The following NAPRT variants were observed in gnomAD, a reference collection of about 807,000 sequenced individuals.
The protein encoded by NAPRT is FHA-HIT-interacting protein.
Under a neutral mutation model 60.7 loss-of-function variants are expected in NAPRT, and 66 were observed. The observed-to-expected ratio is 1.09, with a 90% confidence interval of 0.89 to 1.33. NAPRT has a LOEUF of 1.33. NAPRT is among the 40% of genes most tolerant of loss of function. The pLI, the probability that NAPRT is intolerant of heterozygous loss-of-function variation, is 0.00. For synonymous variants in NAPRT, 405 were observed against 335.7 expected (o/e 1.21, Z -2.26); for missense variants, 818 against 731.5 (o/e 1.12, Z -1.36).
intron 8 of NAPRT, 33 bp downstream of exon 8, chr8:143,576,045 G>T: frequency 6.5e-7 from 1 of 1,527,708 alleles, no homozygotes; most frequent in Non-Finnish European, 8.8e-7. Flanking sequence ...GAGCCCCCCA[G>T]CCACCCTCCG....
chr8:143,577,616 C>T, intron 3 of NAPRT, 41 bp downstream of exon 3: 2 of 1,531,416 alleles, frequency 1.3e-6, no homozygotes, highest in Non-Finnish European at 1.7e-6. Context: ...GCTGGGGGCC[C>T]ATCCCATGCC....
At chr8:143,572,876 C>G (rs1312626729), downstream of NAPRT, 2 of 820,110 alleles carry the variant, frequency 2.4e-6, no homozygotes, top group Non-Finnish European at 3.5e-6. Flanking sequence ...TACAATGGGC[C>G]TTTGAGGGGC....
downstream of NAPRT, chr8:143,574,692 C>G (rs918918996): frequency 3.3e-6 from 3 of 916,922 alleles, no homozygotes; most frequent in South Asian, 3.0e-5. Flanking sequence ...CCTGCTACCT[C>G]GAGCTCAGAT....
intron 2 of NAPRT, 26 bp from the exon 3 acceptor site, chr8:143,577,765 G>C (rs1384015768): frequency 3.8e-6 from 6 of 1,564,210 alleles, no homozygotes; most frequent in Non-Finnish European, 5.2e-6. Flanking sequence ...TCAGCTCCGC[G>C]CTCGGCCCAG....
chr8:143,574,271 T>C (rs1824261952), downstream of NAPRT, among the ~76,000 whole-genome samples: 1 of 152,214 alleles, frequency 6.6e-6, no homozygotes, highest in African/African-American at 2.4e-5. Flanking sequence ...GCTGTGTCCC[T>C]GACGCCAGAT....
At position 143,575,291 on chromosome 8, in the gene NAPRT, C is replaced by G; in HGVS notation, c.1346G>C (p.Gly449Ala). 1 of 1,612,792 alleles carries G rather than the reference C, an allele frequency of 6.2e-7. No individual in the cohort carries two copies. Among genetic ancestry groups the G allele is most frequent in the Non-Finnish European group, 8.5e-7 (1 of 1,179,954 alleles). Reference protein sequence around the residue: ...QLAEEPVPQAGQELRVWPPGA... With the variant: ...QLAEEPVPQAAQELRVWPPGA... ...TGGAGGCCACACCCTCAGCTCCTGCCCAGCCTGTGGCACTGGCTCTTCTGC... is the reference window on the plus strand; with the variant it reads ...TGGAGGCCACACCCTCAGCTCCTGCGCAGCCTGTGGCACTGGCTCTTCTGC... Residue 449 changes from glycine (G) to alanine (A), a missense_variant, in exon 11 of 13, where the codon GGG becomes GCG. Transcript: ENST00000449291.
At chr8:143,575,769 G>A (rs1249872931) in intron 8 of NAPRT, 67 bp from the exon 9 acceptor site, 2 of 1,053,656 alleles carry the variant, frequency 1.9e-6, no homozygotes, top group Non-Finnish European at 2.7e-6. Flanking sequence ...GCACTGCCCT[G>A]GGTGGGGAAG....
chr8:143,577,793 G>A (rs1824594239), intron 2 of NAPRT, 23 bp downstream of exon 2: 3 of 1,588,818 alleles, frequency 1.9e-6, no homozygotes, highest in South Asian at 2.3e-5. Context: ...TGGCCGCCGC[G>A]CCGCCCGCTT....
chr8:143,576,618 A>C, intron 6 of NAPRT, 28 bp downstream of exon 6: 1 of 1,605,322 alleles, frequency 6.2e-7, no homozygotes, highest in South Asian at 1.1e-5. Context: ...GGTTCTGCTG[A>C]GCCCACCCCT....
Position 143,577,809 on chromosome 8 carries a change from T to C in NAPRT, c.354+7A>G. ...GGCCGCCGCGCCGCCCGCTTACCCCTACTCACTCCGGGGAAGGCGAGGGAG... is the reference window on the plus strand; with the variant it reads ...GGCCGCCGCGCCGCCCGCTTACCCCCACTCACTCCGGGGAAGGCGAGGGAG... On this transcript the variant is annotated splice_region_variant and intron_variant, in intron 2 of 12. Transcript: ENST00000449291. The C allele has an allele frequency of 3.7e-6, 6 of 1,603,758 alleles. No individual in the cohort carries two copies. Among genetic ancestry groups the C allele is most frequent in the Non-Finnish European group, 5.1e-6 (6 of 1,176,418 alleles).
downstream of NAPRT, chr8:143,572,940 G>T (rs1230360150): frequency 1.1e-5 from 6 of 521,746 alleles, no homozygotes; most frequent in East Asian, 1.6e-4. Flanking sequence ...GAGTGCCTGT[G>T]GTGTGGCTCT....
At chr8:143,574,259 G>C (rs1824261124), downstream of NAPRT, among the ~76,000 whole-genome samples, 2 of 152,186 alleles carry the variant, frequency 1.3e-5, no homozygotes, top group Non-Finnish European at 2.9e-5. Flanking sequence ...GCTGGGTCAG[G>C]AGCTGTGTCC....
downstream of NAPRT, among the ~76,000 whole-genome samples, chr8:143,573,275 C>CT (rs1824186907): frequency 6.6e-6 from 1 of 152,192 alleles, no homozygotes; most frequent in South Asian, 2.1e-4. Flanking sequence ...CTTGGGGCAG[C>CT]CCGGAGGTGT....
chr8:143,578,138 G>T lies in NAPRT; in HGVS notation c.181C>A (p.Arg61Ser), dbSNP rs558850618. The T allele has an allele frequency of 6.6e-6, 10 of 1,522,306 alleles. No individual in the cohort carries two copies. The East Asian group carries it at 1.5e-4, about 23-fold the overall frequency. The allele number at this position is 1,522,306 out of a possible 1,614,324, so 94.3% of individuals were successfully genotyped here. The change falls in exon 1 of 13, where the codon CGC becomes AGC. Residue 61 changes from arginine to serine, a missense_variant. Coordinates refer to ENST00000449291, the MANE Select transcript of NAPRT (RefSeq NM_145201.6). ...GGAFALAAGL[R>S]DCVRFLRAFR... The stretch of plus-strand genomic sequence containing the variant: ...GCGCGCAGGAAGCGCACACAGTCGC[G>T]CAAGCCGGCGGCCAAGGCGAAGGCG...
rs775323419 is a variant in NAPRT, at chr8:143,577,050, G to C, written c.684+12C>G. 1.9e-6 allele frequency: 3 copies of C among 1,610,980 alleles called. No individual in the cohort carries two copies. Among genetic ancestry groups the C allele is most frequent in the Non-Finnish European group, 2.5e-6 (3 of 1,178,260 alleles). ...TCGCCTGGAGACAGCAGGGTTTAGA[G>C]GAGGGACTGACCGGGTCAGGGGGCA... On this transcript the variant is annotated intron_variant, in intron 5 of 12. Coordinates refer to ENST00000449291, the MANE Select transcript of NAPRT (RefSeq NM_145201.6).
chr8:143,578,311 G>A lies in NAPRT; in HGVS notation c.8C>T (p.Ala3Val), dbSNP rs1014716649. The change falls in exon 1 of 13, where the codon GCG becomes GTG. Residue 3 changes from alanine (A) to valine (V), a missense_variant. By Grantham distance (64) the Ala-to-Val change is moderately conservative (BLOSUM62 0). Transcript: ENST00000449291. MA[A>V]EQDPEARAAA... ...CGCGCGCGCCTCGGGGTCCTGCTCC[G>A]CCGCCATCCTGCTCCCGACGTCCGG... 12 of 1,370,230 alleles carry A rather than the reference G, an allele frequency of 8.8e-6. No homozygotes were observed. The highest frequency in any genetic ancestry group is 1.5e-5 in the African/African-American group (1 of 65,104). The allele number at this position is 1,370,230 out of a possible 1,614,324, so 84.9% of individuals were successfully genotyped here. A position where few individuals can be genotyped will look rare whatever the true frequency, so the allele number is the denominator to read the frequency against.
Position 143,574,859 on chromosome 8 carries a change from C to T in NAPRT, c.1596G>A (p.Leu532=). ...SERLQALVNS[L]CAGQSP The stretch of plus-strand genomic sequence containing the variant: ...AGTCTCAGGGGGACTGCCCCGCACA[C>T]AGACTGTTCACCAGGGCCTGCAGCC... Residue 532 remains leucine, a synonymous_variant, in exon 13 of 13, where the codon CTG becomes CTA. Coordinates refer to ENST00000449291, the MANE Select transcript of NAPRT (RefSeq NM_145201.6). 6.4e-7 allele frequency: 1 copy of T among 1,550,662 alleles called. No homozygotes were observed. Among genetic ancestry groups the T allele is most frequent in the Non-Finnish European group, 8.7e-7 (1 of 1,147,004 alleles).
intron 8 of NAPRT, among the ~76,000 whole-genome samples, 182 bp from the exon 9 acceptor site, chr8:143,575,884 G>A (rs1403614056): frequency 1.4e-5 from 2 of 143,822 alleles, no homozygotes; most frequent in Non-Finnish European, 3.0e-5. Context: ...CCTGGGTGAA[G>A]GGGGTGGCAG....
chr8:143,573,082 G>A (rs912086541), downstream of NAPRT: 5 of 262,788 alleles, frequency 1.9e-5, no homozygotes, highest in South Asian at 4.6e-4. Context: ...CAGCTCTGAG[G>A]AGGTCCTCGC....
Sources: gnomAD v4.1 joint callset for allele counts (sites outside exome capture counted in the v4.1 genomes callset) on GRCh38, gnomAD v4.1.1 for gene constraint, MANE v1.5 for transcripts, NCBI Gene and HGNC (gene_info 2026-07-23, HGNC 2026-07-21) for gene names.